Variants in CCDC93 observed in about 807,000 individuals in gnomAD.
The protein encoded by CCDC93 is CCC complex scaffolding subunit CCDC93.
CCDC93 carries 61 observed loss-of-function variants against 108.2 expected under a neutral mutation model. The observed-to-expected ratio is 0.56, with a 90% CI of 0.46 to 0.70. The LOEUF (loss-of-function observed/expected upper bound fraction) is 0.70, where lower values mean the gene tolerates loss of function less well. CCDC93 is among the 30% of genes least tolerant of loss of function. The pLI is 0.00. For synonymous variants in CCDC93, 276 were observed against 260.4 expected, an observed-to-expected ratio of 1.06 and a Z score of -0.58; for missense variants, 685 against 764.2, an observed-to-expected ratio of 0.90 and a Z score of 1.22.
At chr2:117,927,052 T>C (rs2104705629) in intron 23 of CCDC93, among the ~76,000 whole-genome samples, 1 of 152,264 alleles carries the variant, frequency 6.6e-6, no homozygotes, top group South Asian at 2.1e-4. Context: ...AGAAAAGGCC[T>C]TTGACAAAAC....
chr2:117,988,721 AT>A (rs1311813401), intron 6 of CCDC93, among the ~76,000 whole-genome samples: 8 of 152,350 alleles, frequency 5.3e-5, no homozygotes, highest in African/African-American at 1.9e-4. Context: ...CTTCTTAAAA[AT>A]TCTCACATTA....
At chr2:117,968,374 T>G (rs1425723608) in intron 11 of CCDC93, among the ~76,000 whole-genome samples, 1 of 152,166 alleles carries the variant, frequency 6.6e-6, no homozygotes, top group African/African-American at 2.4e-5. Context: ...TATGATGCAG[T>G]GAGAATATTA....
intron 13 of CCDC93, chr2:117,950,747 C>T (rs1679027694): frequency 2.0e-6 from 2 of 985,284 alleles, no homozygotes; most frequent in Non-Finnish European, 2.4e-6. Context: ...AGAAGTTGTT[C>T]AGTACTAGGT....
intron 13 of CCDC93, chr2:117,950,279 A>G: frequency 1.0e-6 from 1 of 985,186 alleles, no homozygotes; most frequent in South Asian, 4.7e-5. Context: ...TATCAATTCA[A>G]CAAGTCAATT....
chr2:117,948,025 T>C, intron 15 of CCDC93, 80 bp downstream of exon 15: 1 of 1,148,116 alleles, frequency 8.7e-7, no homozygotes, highest in South Asian at 1.3e-5. Flanking sequence ...CTGGATAGGA[T>C]GCCACAACAG....
chr2:117,971,998 G>A (rs1679778985), intron 11 of CCDC93, among the ~76,000 whole-genome samples: 1 of 152,128 alleles, frequency 6.6e-6, no homozygotes, highest in African/African-American at 2.4e-5. Flanking sequence ...AGTATATGTG[G>A]GGGATTGGTT....
At chr2:117,980,429 GGGACTTCAC>G (rs1451056689) in intron 7 of CCDC93, among the ~76,000 whole-genome samples, 1 of 152,200 alleles carries the variant, frequency 6.6e-6, no homozygotes, top group Admixed American at 6.5e-5. Flanking sequence ...CTAAGGCCCA[GGGACTTCAC>G]GGATTTTCCA....
At chr2:117,968,328 G>C (rs1474945957) in intron 11 of CCDC93, among the ~76,000 whole-genome samples, 1 of 152,150 alleles carries the variant, frequency 6.6e-6, no homozygotes, top group African/African-American at 2.4e-5. Context: ...CTGTAAATCA[G>C]AGTAATAGAT....
rs1344914343 is a variant in CCDC93 at position 118,014,024 on chromosome 2, G to T, written c.-29C>A. On this transcript the variant is annotated 5_prime_UTR_variant, in exon 1 of 24. Transcript: ENST00000376300. ...CCGACCGGGCTGTCGTAAGGCGAGAGCGAAGCCCGCCAAGCGTCCGGAGGA... is the reference window on the plus strand; with the variant it reads ...CCGACCGGGCTGTCGTAAGGCGAGATCGAAGCCCGCCAAGCGTCCGGAGGA... The T allele has an allele frequency of 6.3e-7, 1 of 1,587,494 alleles. No individual in the cohort carries two copies. Among genetic ancestry groups the T allele is most frequent in the African/African-American group, 1.3e-5 (1 of 74,592 alleles).
intron 21 of CCDC93, chr2:117,936,429 G>C: frequency 2.6e-6 from 1 of 385,452 alleles, no homozygotes; most frequent in South Asian, 7.8e-5. Context: ...ATAACATACA[G>C]AGAGATTTTA....
chr2:117,938,557 A>C (rs77142491), intron 20 of CCDC93, among the ~76,000 whole-genome samples: 1 of 34,450 alleles, frequency 2.9e-5, no homozygotes, highest in African/African-American at 1.5e-4. Flanking sequence ...AAAGACAAGA[A>C]AAAAAAAAAA....
intron 6 of CCDC93, among the ~76,000 whole-genome samples, chr2:117,993,341 A>G (rs1316262075): frequency 1.3e-5 from 2 of 151,138 alleles, no homozygotes; most frequent in Non-Finnish European, 2.9e-5. Context: ...GGTTGCAGTG[A>G]GCCGAGACAG....
chr2:117,988,654 T>C (rs1231092079), intron 6 of CCDC93, among the ~76,000 whole-genome samples: 1 of 152,206 alleles, frequency 6.6e-6, no homozygotes, highest in Non-Finnish European at 1.5e-5. Context: ...CACCACCAAG[T>C]GCAATGTCCT....
intron 23 of CCDC93, among the ~76,000 whole-genome samples, chr2:117,924,800 G>T (rs1355062559): frequency 1.3e-5 from 2 of 152,168 alleles, no homozygotes; most frequent in Non-Finnish European, 2.9e-5. Context: ...TACTCCTCTA[G>T]AAGAGCAACT....
At chr2:117,931,453 C>G in intron 22 of CCDC93, 1 of 292,026 alleles carries the variant, frequency 3.4e-6, no homozygotes, top group Non-Finnish European at 6.5e-6. Flanking sequence ...ATCCCCCACC[C>G]GGCAGTGTCT....
At chr2:117,978,130 G>A (rs1680001560) in intron 7 of CCDC93, 100 bp from the exon 8 acceptor site, 1 of 1,042,204 alleles carries the variant, frequency 9.6e-7, no homozygotes, top group East Asian at 2.5e-5. Flanking sequence ...AACATCAAGA[G>A]AATTTATGCC....
At chr2:117,944,764 A>G in intron 17 of CCDC93, 1 of 471,218 alleles carries the variant, frequency 2.1e-6, no homozygotes, top group Middle Eastern at 3.2e-4. Context: ...AAAATCCAAC[A>G]GACTTCACTG....
intron 12 of CCDC93, among the ~76,000 whole-genome samples, chr2:117,954,776 G>A (rs893380819): frequency 3.3e-5 from 5 of 152,162 alleles, no homozygotes; most frequent in Non-Finnish European, 5.9e-5. Flanking sequence ...CCCACGTGTC[G>A]TGGGAGGGAT....
Position 117,945,538 on chromosome 2 carries a change from C to A in CCDC93, c.1341G>T (p.Met447Ile). 11 of 1,613,946 alleles carry A rather than the reference C, an allele frequency of 6.8e-6. No individual in the cohort carries two copies. Among genetic ancestry groups the A allele is most frequent in the Admixed American group, 1.7e-5 (1 of 60,020 alleles). ...GEPPGTLTSA[M>I]THDEDLDRRY... The stretch of plus-strand genomic sequence containing the variant: ...GCAGGCAGGTACTTACGTCATGAGT[C>A]ATTGCAGAGGTCAAGGTACCAGGCG... Residue 447 changes from methionine (M) to isoleucine (I), a missense_variant, in exon 17 of 24, where the codon ATG (methionine) becomes ATT (isoleucine). Met to Ile is a conservative substitution (Grantham distance 10, BLOSUM62 1). Coordinates refer to ENST00000376300, the MANE Select transcript of CCDC93 (RefSeq NM_019044.5).
Sources: gnomAD v4.1 joint callset for allele counts (sites outside exome capture counted in the v4.1 genomes callset) on GRCh38, gnomAD v4.1.1 for gene constraint, MANE v1.5 for transcripts, NCBI Gene and HGNC (gene_info 2026-07-23, HGNC 2026-07-21) for gene names.